The following KLHL6 variants were observed in gnomAD, a reference collection of about 807,000 sequenced individuals.
The protein encoded by KLHL6 is kelch-like protein 6.
KLHL6 carries 41 observed loss-of-function variants against 58.6 expected under a neutral mutation model. The observed-to-expected ratio is 0.70, with a 90% CI of 0.55 to 0.91. The LOEUF is 0.91. Among genes scored for constraint, KLHL6 ranks in the 40% least tolerant of loss-of-function variants. The probability of loss-of-function intolerance (pLI) is 0.00; values close to 1 mark genes in which losing one functional copy is unlikely to be tolerated. For synonymous variants in KLHL6, 338 were observed against 322.7 expected, an observed-to-expected ratio of 1.05 and a Z score of -0.51; for missense variants, 714 against 805.6, an observed-to-expected ratio of 0.89 and a Z score of 1.38.
intron 3 of KLHL6, among the ~76,000 whole-genome samples, chr3:183,501,392 C>T (rs775549786): frequency 1.3e-5 from 2 of 152,206 alleles, no homozygotes; most frequent in African/African-American, 2.4e-5. Context: ...GGTCCTCTTT[C>T]GGAGGGGATC....
At chr3:183,537,268 G>A (rs983305435) in intron 1 of KLHL6, among the ~76,000 whole-genome samples, 5 of 152,152 alleles carry the variant, frequency 3.3e-5, no homozygotes, top group Non-Finnish European at 5.9e-5. Flanking sequence ...CAGGAGCTCA[G>A]CAGTGCACGA....
chr3:183,496,734 T>G (rs1362633670), intron 4 of KLHL6, among the ~76,000 whole-genome samples: 2 of 152,276 alleles, frequency 1.3e-5, no homozygotes, highest in African/African-American at 4.8e-5. Context: ...CATGTCCAGA[T>G]GATATTGTTA....
chr3:183,544,403 A>C (rs1712651684), intron 1 of KLHL6, among the ~76,000 whole-genome samples: 13 of 152,154 alleles, frequency 8.5e-5, no homozygotes. Context: ...GAGGGATCAT[A>C]AAACACAAAA....
intron 1 of KLHL6, among the ~76,000 whole-genome samples, chr3:183,538,364 C>T (rs1232712369): frequency 7.2e-5 from 11 of 152,156 alleles, no homozygotes. Context: ...ATCACTCCCA[C>T]TATCTCACTC....
Position 183,554,585 on chromosome 3 carries a change from C to T in KLHL6, c.293+776G>A, listed in dbSNP as rs1713040886. Among the ~76,000 whole-genome samples, 4 of 152,198 alleles carry T rather than the reference C, an allele frequency of 2.6e-5. No homozygotes were observed. The South Asian group carries it at 8.3e-4, about 31-fold the overall frequency. ...TCTAAAGCATCTTTGTAACTGCTTTCCCTTTCCCCACACTGCCTACACATA... is the reference window on the plus strand; with the variant it reads ...TCTAAAGCATCTTTGTAACTGCTTTTCCTTTCCCCACACTGCCTACACATA... On this transcript the variant is annotated intron_variant, in intron 1 of 6. Coordinates refer to ENST00000341319, the MANE Select transcript of KLHL6 (RefSeq NM_130446.4).
At chr3:183,539,634 G>A (rs199998710) in intron 1 of KLHL6, among the ~76,000 whole-genome samples, 2 of 151,780 alleles carry the variant, frequency 1.3e-5, no homozygotes, top group African/African-American at 4.8e-5. Flanking sequence ...GCTTGAACCC[G>A]GGAGGCAGAG....
intron 4 of KLHL6, among the ~76,000 whole-genome samples, chr3:183,495,543 G>A (rs1319676713): frequency 6.7e-6 from 1 of 149,564 alleles, no homozygotes; most frequent in Non-Finnish European, 1.5e-5. Flanking sequence ...AGAAATGTAT[G>A]CAACCTTTAT....
chr3:183,547,282 AC>A (rs1252863810), intron 1 of KLHL6, among the ~76,000 whole-genome samples: 1 of 152,218 alleles, frequency 6.6e-6, no homozygotes, highest in Non-Finnish European at 1.5e-5. Flanking sequence ...AATGCATTAG[AC>A]TAAAGAGCGC....
chr3:183,547,241 C>A (rs777402192), intron 1 of KLHL6, among the ~76,000 whole-genome samples: 1 of 152,106 alleles, frequency 6.6e-6, no homozygotes, highest in South Asian at 2.1e-4. Flanking sequence ...CCACTTAGGA[C>A]AACTATTTGT....
At chr3:183,495,479 C>T (rs1264552824) in intron 4 of KLHL6, among the ~76,000 whole-genome samples, 1 of 151,696 alleles carries the variant, frequency 6.6e-6, no homozygotes, top group Non-Finnish European at 1.5e-5. Context: ...TTATTCAAAA[C>T]ATTGATCCCA....
chr3:183,546,926 T>TG (rs1424559038), intron 1 of KLHL6, among the ~76,000 whole-genome samples: 1 of 151,358 alleles, frequency 6.6e-6, no homozygotes, highest in African/African-American at 2.4e-5. Flanking sequence ...TTTTTTTTTT[T>TG]TTTGACGGAA....
intron 1 of KLHL6, among the ~76,000 whole-genome samples, chr3:183,531,360 A>G (rs775442290): frequency 1.4e-4 from 22 of 151,730 alleles, no homozygotes; most frequent in Non-Finnish European, 2.8e-4. Flanking sequence ...AAGCCTTGAA[A>G]TCTAATGGAA....
chr3:183,508,986 G>C (rs568080242), intron 2 of KLHL6, among the ~76,000 whole-genome samples: 1 of 152,304 alleles, frequency 6.6e-6, no homozygotes, highest in Admixed American at 6.5e-5. Flanking sequence ...AGGAAATACA[G>C]GGAAAGAGGA....
At chr3:183,527,131 A>G (rs914070263) in intron 2 of KLHL6, among the ~76,000 whole-genome samples, 12 of 151,496 alleles carry the variant, frequency 7.9e-5, no homozygotes, top group African/African-American at 2.9e-4. Flanking sequence ...CAAACAAACC[A>G]AAAAAAAGGA....
intron 1 of KLHL6, among the ~76,000 whole-genome samples, chr3:183,533,757 C>T (rs1220420925): frequency 2.6e-5 from 4 of 151,908 alleles, no homozygotes; most frequent in Non-Finnish European, 5.9e-5. Flanking sequence ...AGGTGATCGT[C>T]CCCCCTCTGT....
At chr3:183,528,775 A>G (rs1712061963) in intron 1 of KLHL6, among the ~76,000 whole-genome samples, 1 of 152,222 alleles carries the variant, frequency 6.6e-6, no homozygotes, top group Non-Finnish European at 1.5e-5. Flanking sequence ...GGATTTTAAT[A>G]GCTATTTTTT....
At chr3:183,510,413 T>C (rs1272241738) in intron 2 of KLHL6, among the ~76,000 whole-genome samples, 1 of 152,110 alleles carries the variant, frequency 6.6e-6, no homozygotes, top group East Asian at 1.9e-4. Flanking sequence ...CTATCGAGCC[T>C]GAAGGTTGAT....
At chr3:183,548,669 G>A (rs767836742) in intron 1 of KLHL6, 2 of 152,120 alleles carry the variant, frequency 1.3e-5, no homozygotes, top group Non-Finnish European at 2.9e-5. Flanking sequence ...AGAAAAGTGG[G>A]GCAAGAGACT....
intron 2 of KLHL6, among the ~76,000 whole-genome samples, chr3:183,525,093 G>A (rs941770773): frequency 3.3e-5 from 5 of 151,698 alleles, no homozygotes; most frequent in African/African-American, 9.7e-5. Context: ...GTGAAACCCC[G>A]TCTCTACTAA....
Sources: gnomAD v4.1 joint callset for allele counts (sites outside exome capture counted in the v4.1 genomes callset) on GRCh38, gnomAD v4.1.1 for gene constraint, MANE v1.5 for transcripts, NCBI Gene and HGNC (gene_info 2026-07-23, HGNC 2026-07-21) for gene names.